The following LRFN5 variants were observed in gnomAD, a reference collection of about 807,000 sequenced individuals.
LRFN5 encodes the protein leucine rich repeat and fibronectin type III domain containing 5.
In LRFN5, 24 loss-of-function variants were observed where a neutral mutation model predicts 45.6. The ratio of observed to expected loss-of-function variants is 0.53; its 90% CI spans 0.38 to 0.74. LRFN5 has a LOEUF of 0.74. LRFN5 is among the 30% of genes least tolerant of loss of function. The probability of loss-of-function intolerance (pLI) is 0.00; values close to 1 mark genes in which losing one functional copy is unlikely to be tolerated. For synonymous variants in LRFN5, 340 were observed against 313.8 expected (o/e 1.08, Z -0.88); for missense variants, 776 against 861.5 (o/e 0.90, Z 1.24).
chr14:41,867,116 G>A (rs547308144), intron 2 of LRFN5, among the ~76,000 whole-genome samples: 23 of 152,034 alleles, frequency 1.5e-4, no homozygotes, highest in African/African-American at 5.5e-4. Context: ...AAATCCATAA[G>A]GCAGTACAAG....
chr14:41,621,249 C>G (rs1888125894), intron 1 of LRFN5, among the ~76,000 whole-genome samples: 1 of 151,950 alleles, frequency 6.6e-6, no homozygotes, highest in Non-Finnish European at 1.5e-5. Flanking sequence ...GAAATACAGT[C>G]TATATTGGGA....
intron 1 of LRFN5, among the ~76,000 whole-genome samples, chr14:41,750,113 A>G (rs1885068463): frequency 6.6e-6 from 1 of 151,936 alleles, no homozygotes; most frequent in Admixed American, 6.6e-5. Flanking sequence ...AAAATAAACT[A>G]GAAAAATTGT....
chr14:41,897,951 A>G lies in LRFN5; in HGVS notation c.2099-966A>G, dbSNP rs145528061. Among the ~76,000 whole-genome samples the G allele has an allele frequency of 5.3e-3, 810 of 152,222 alleles. 9 individuals are homozygous for G. The highest frequency in any genetic ancestry group is 0.017 in the African/African-American group (713 of 41,566). ...AATATGTCTAATAAATAAATATTTG[A>G]GTAAAATCAAGGAGCTTATGAAATA... On this transcript the variant is annotated intron_variant, in intron 4 of 5. Coordinates refer to ENST00000298119, the MANE Select transcript of LRFN5 (RefSeq NM_152447.5).
At chr14:41,814,967 T>C (rs2138999447) in intron 2 of LRFN5, among the ~76,000 whole-genome samples, 1 of 152,062 alleles carries the variant, frequency 6.6e-6, no homozygotes, top group East Asian at 1.9e-4. Flanking sequence ...AAAACATCCA[T>C]CGAAAAAAGC....
chr14:41,805,560 C>G (rs1433041146), intron 2 of LRFN5, among the ~76,000 whole-genome samples: 3 of 147,558 alleles, frequency 2.0e-5, no homozygotes, highest in East Asian at 2.0e-4. Context: ...TCCACCCCCC[C>G]CACCCCACAG....
chr14:41,759,045 C>G (rs77061386), intron 1 of LRFN5, among the ~76,000 whole-genome samples: 1 of 152,182 alleles, frequency 6.6e-6, no homozygotes, highest in East Asian at 1.9e-4. Flanking sequence ...AAAGAGCTTA[C>G]AGGCCAATAA....
intron 2 of LRFN5, among the ~76,000 whole-genome samples, chr14:41,839,422 TAAC>T (rs1476831618): frequency 1.3e-5 from 2 of 152,110 alleles, no homozygotes; most frequent in East Asian, 3.8e-4. Flanking sequence ...ATAATAACAA[TAAC>T]AATAATTTCA....
At chr14:41,782,970 A>C (rs1190767624) in intron 2 of LRFN5, among the ~76,000 whole-genome samples, 1 of 88,298 alleles carries the variant, frequency 1.1e-5, no homozygotes, top group African/African-American at 4.4e-5. Context: ...CTGTGGTGAT[A>C]CAGCTTTTTT....
chr14:41,703,317 CT>C (rs550492985), intron 1 of LRFN5, among the ~76,000 whole-genome samples: 2 of 151,810 alleles, frequency 1.3e-5, no homozygotes, highest in African/African-American at 2.4e-5. Context: ...TCAAAAATAG[CT>C]TTTTTTTCTT....
intron 1 of LRFN5, among the ~76,000 whole-genome samples, chr14:41,686,011 T>C (rs1014546144): frequency 1.3e-5 from 2 of 152,184 alleles, no homozygotes; most frequent in African/African-American, 4.8e-5. Flanking sequence ...AGAATATCAA[T>C]GGTAGTTTTA....
At chr14:41,890,500 G>T (rs1008825405) in intron 3 of LRFN5, among the ~76,000 whole-genome samples, 2 of 151,490 alleles carry the variant, frequency 1.3e-5, no homozygotes, top group South Asian at 4.2e-4. Flanking sequence ...GAGGTCAGGA[G>T]ATCGAGACCA....
intron 1 of LRFN5, among the ~76,000 whole-genome samples, chr14:41,735,751 G>C (rs7153717): frequency 1.5e-4 from 23 of 151,596 alleles, no homozygotes; most frequent in African/African-American, 5.6e-4. Flanking sequence ...GCTATCCCTC[G>C]CCTTGTCCCC....
intron 3 of LRFN5, among the ~76,000 whole-genome samples, chr14:41,890,986 T>C (rs553724398): frequency 6.6e-6 from 1 of 152,298 alleles, no homozygotes; most frequent in Admixed American, 6.5e-5. Flanking sequence ...CAGTGTTTTT[T>C]ATTAGGAGTT....
intron 5 of LRFN5, among the ~76,000 whole-genome samples, chr14:41,903,084 T>G (rs1891149450): frequency 6.6e-6 from 1 of 151,652 alleles, no homozygotes; most frequent in Non-Finnish European, 1.5e-5. Flanking sequence ...ATGGTGTATT[T>G]CTTATTAGCT....
intron 2 of LRFN5, among the ~76,000 whole-genome samples, chr14:41,876,263 TTG>T (rs1470928601): frequency 6.7e-6 from 1 of 148,576 alleles, no homozygotes; most frequent in African/African-American, 2.5e-5. Context: ...GAATGCGTAA[TTG>T]TCTTTTTCTT....
chr14:41,853,301 A>G (rs1015200952), intron 2 of LRFN5, among the ~76,000 whole-genome samples: 3 of 152,072 alleles, frequency 2.0e-5, no homozygotes, highest in African/African-American at 7.2e-5. Flanking sequence ...TCTGGATACA[A>G]TAAGTGGAAC....
At chr14:41,839,792 C>T (rs1216331099) in intron 2 of LRFN5, among the ~76,000 whole-genome samples, 1 of 152,020 alleles carries the variant, frequency 6.6e-6, no homozygotes, top group Non-Finnish European at 1.5e-5. Context: ...TGAGGTCTTT[C>T]GATTGAACTT....
At chr14:41,749,932 T>C (rs1885061167) in intron 1 of LRFN5, among the ~76,000 whole-genome samples, 1 of 152,158 alleles carries the variant, frequency 6.6e-6, no homozygotes. Context: ...AACTAGCACA[T>C]ATTTAAATAA....
chr14:41,744,424 TTAAG>T (rs754227247), intron 1 of LRFN5, among the ~76,000 whole-genome samples: 24 of 151,972 alleles, frequency 1.6e-4, no homozygotes, highest in Non-Finnish European at 2.4e-4. Flanking sequence ...ACAAAAAAAT[TTAAG>T]TAAACACAAA....
Sources: gnomAD v4.1 joint callset for allele counts (sites outside exome capture counted in the v4.1 genomes callset) on GRCh38, gnomAD v4.1.1 for gene constraint, MANE v1.5 for transcripts, NCBI Gene and HGNC (gene_info 2026-07-23, HGNC 2026-07-21) for gene names.